Variants in GPR157 observed in about 807,000 individuals in gnomAD.
GPR157 encodes the protein G protein-coupled receptor 157.
Under a neutral mutation model 23.5 loss-of-function variants are expected in GPR157, and 16 were observed. That is an observed-to-expected ratio of 0.68 (90% CI 0.46 to 1.04). GPR157 has a LOEUF of 1.04. Ranked by LOEUF, GPR157 falls within the 50% of genes least tolerant of loss-of-function variation. The probability of loss-of-function intolerance (pLI) is 0.00; values close to 1 mark genes in which losing one functional copy is unlikely to be tolerated. For missense variants in GPR157, 440 were observed against 460.7 expected, an observed-to-expected ratio of 0.96 and a Z score of 0.41; for synonymous variants, 200 against 221.5, an observed-to-expected ratio of 0.90 and a Z score of 0.86.
chr1:9,116,180 T>TAATTATAA (rs1553175044), intron 1 of GPR157, among the ~76,000 whole-genome samples: 1 of 5,618 alleles, frequency 1.8e-4, no homozygotes, highest in Non-Finnish European at 2.6e-4. Context: ...ATTATATATA[T>TAATTATAA]TATATATATA....
chr1:9,113,968 C>CACAT (rs1638574059), intron 1 of GPR157, among the ~76,000 whole-genome samples: 1 of 140,174 alleles, frequency 7.1e-6, no homozygotes, highest in South Asian at 2.5e-4. Context: ...CACACACACA[C>CACAT]ACACACACAC....
At chr1:9,121,765 G>T (rs571061527) in intron 1 of GPR157, among the ~76,000 whole-genome samples, 3 of 152,278 alleles carry the variant, frequency 2.0e-5, no homozygotes, top group Admixed American at 6.5e-5. Flanking sequence ...TGGCAAACAT[G>T]GGGGGTCACA....
In GPR157 at chr1:9,118,439, G is replaced by C. The variant is rs181968109; in HGVS notation, c.384-6950C>G. On this transcript the variant is annotated intron_variant, in intron 1 of 3. Coordinates refer to ENST00000377411, the MANE Select transcript of GPR157 (RefSeq NM_024980.5). The surrounding 1 kb of genome is among the most constrained non-coding windows in gnomAD (Gnocchi z 4.6). The stretch of plus-strand genomic sequence containing the variant: ...GAGCCTGCCTGGACGGAGGAAGCCC[G>C]GGACAGCCACCTCGTGTGTAACTCT... Among the ~76,000 whole-genome samples, 7 of 152,140 alleles carry C rather than the reference G, an allele frequency of 4.6e-5. No homozygotes were observed. In the East Asian group the frequency reaches 1.2e-3, roughly 25 times the overall value.
intron 1 of GPR157, among the ~76,000 whole-genome samples, chr1:9,119,322 A>T (rs1018089377): frequency 1.3e-5 from 2 of 152,116 alleles, no homozygotes; most frequent in Non-Finnish European, 2.9e-5. Flanking sequence ...CGTGAACCAC[A>T]ATGACCGGCC....
chr1:9,117,357 C>T (rs191113067), intron 1 of GPR157, among the ~76,000 whole-genome samples: 1 of 152,298 alleles, frequency 6.6e-6, no homozygotes, highest in Admixed American at 6.5e-5. Context: ...ATAAACAGGG[C>T]AGTTCTCCAG....
chr1:9,106,192 C>T (rs1638318035), intron 2 of GPR157, among the ~76,000 whole-genome samples: 1 of 152,180 alleles, frequency 6.6e-6, no homozygotes, highest in African/African-American at 2.4e-5. Context: ...TGAGCTGCCA[C>T]CGTGCCGACC....
In GPR157 at chr1:9,105,438, G is replaced by C; in HGVS notation, c.792+48C>G. The C allele has an allele frequency of 6.8e-7, 1 of 1,473,832 alleles. No individual in the cohort carries two copies. Among genetic ancestry groups the C allele is most frequent in the Non-Finnish European group, 9.1e-7 (1 of 1,095,024 alleles). 91.3% of individuals were successfully genotyped at this position (1,473,832 alleles called of 1,614,324 possible). A position where few individuals can be genotyped will look rare whatever the true frequency, so the allele number is the denominator to read the frequency against. ...GTGCTGCGGGAAGGAATCAGGCTGTGCCTCCTCTGGGGGCAGGGACGACAA... is the reference window on the plus strand; with the variant it reads ...GTGCTGCGGGAAGGAATCAGGCTGTCCCTCCTCTGGGGGCAGGGACGACAA... On this transcript the variant is annotated intron_variant, in intron 3 of 3. Transcript: ENST00000377411. This position sits in a 1 kb window ranked among gnomAD's most constrained non-coding sequence, Gnocchi z 4.8.
At chr1:9,110,940 G>A (rs1348393650) in intron 2 of GPR157, among the ~76,000 whole-genome samples, 2 of 152,198 alleles carry the variant, frequency 1.3e-5, no homozygotes, top group African/African-American at 4.8e-5. Flanking sequence ...TCCACCAGGG[G>A]GCAGGAGAGG....
At position 9,105,657 on chromosome 1, in the gene GPR157, C is replaced by A. The variant is rs372833072; in HGVS notation, c.621G>T (p.Arg207=). Residue 207 remains arginine, a synonymous_variant, in exon 3 of 4, where the codon CGG becomes CGT. Coordinates refer to ENST00000377411, the MANE Select transcript of GPR157 (RefSeq NM_024980.5). The surrounding 1 kb of genome is among the most constrained non-coding windows in gnomAD (Gnocchi z 4.8). ...GGCGGTGCTCCTGGGAGAGGATGGG[C>A]CGGTACTCAGAGAGTGCCGTGTGCT... ...NRAHTALSEY[R]PILSQEHRLL... The A allele has an allele frequency of 2.5e-6, 4 of 1,611,538 alleles. No individual in the cohort carries two copies.
In GPR157 at chr1:9,105,458, C is replaced by T. The variant is rs1006378234; in HGVS notation, c.792+28G>A. On this transcript the variant is annotated intron_variant, in intron 3 of 3. Transcript: ENST00000377411. The surrounding 1 kb of genome is among the most constrained non-coding windows in gnomAD (Gnocchi z 4.8). Reference sequence around the variant, plus strand: ...GCTGTGCCTCCTCTGGGGGCAGGGACGACAAGGGCCAGGGAGGGCAGACCT... The same window carrying T: ...GCTGTGCCTCCTCTGGGGGCAGGGATGACAAGGGCCAGGGAGGGCAGACCT... The T allele has an allele frequency of 6.6e-6, 10 of 1,515,380 alleles. No individual in the cohort carries two copies. The highest frequency in any genetic ancestry group is 3.8e-5 in the South Asian group (3 of 79,018). 93.9% of individuals were successfully genotyped at this position (1,515,380 alleles called of 1,614,324 possible). A position where few individuals can be genotyped will look rare whatever the true frequency, so the allele number is the denominator to read the frequency against.
chr1:9,113,103 G>A (rs1638550252), intron 1 of GPR157, among the ~76,000 whole-genome samples: 2 of 152,208 alleles, frequency 1.3e-5, no homozygotes, highest in South Asian at 2.1e-4. Flanking sequence ...ACAGAGCACA[G>A]GGCCAGGCAG....
Position 9,104,107 on chromosome 1 carries a change from T to C in GPR157, c.*312A>G, listed in dbSNP as rs2124504319. On this transcript the variant is annotated 3_prime_UTR_variant, in exon 4 of 4. Coordinates refer to ENST00000377411, the MANE Select transcript of GPR157 (RefSeq NM_024980.5). ...ACAGTGCTGTGTGGTCCTCAGGACA[T>C]CAAGGTCCACTGGGTGGGGGCACTG... is the stretch of plus-strand genomic sequence containing the variant. 1 of 370,870 alleles carries C rather than the reference T, an allele frequency of 2.7e-6. No individual in the cohort carries two copies. The highest frequency in any genetic ancestry group is 5.1e-6 in the Non-Finnish European group (1 of 196,408). 23.0% of individuals were successfully genotyped at this position (370,870 alleles called of 1,614,324 possible). A position where few individuals can be genotyped will look rare whatever the true frequency, so the allele number is the denominator to read the frequency against.
intron 2 of GPR157, among the ~76,000 whole-genome samples, chr1:9,108,772 G>T (rs529166596): frequency 6.7e-6 from 1 of 150,108 alleles, no homozygotes; most frequent in African/African-American, 2.5e-5. Context: ...TGGGACTATA[G>T]ACATGCACCA....
intron 1 of GPR157, among the ~76,000 whole-genome samples, chr1:9,114,326 C>CAAG (rs1638586590): frequency 9.7e-6 from 1 of 103,124 alleles, no homozygotes; most frequent in African/African-American, 3.9e-5. Context: ...GAGACTGTCT[C>CAAG]AAAAAAAAAA....
chr1:9,128,597 T>C lies in GPR157; in HGVS notation c.383+48A>G. 2 of 1,570,388 alleles carry C rather than the reference T, an allele frequency of 1.3e-6. No individual in the cohort carries two copies. The highest frequency in any genetic ancestry group is 1.7e-4 in the Middle Eastern group (1 of 5,984). ...TCTGGGAGGGCAAGACCGGGAGGGG[T>C]CGGCCTGTGTCGGGGGCTCCTGGAA... is the stretch of plus-strand genomic sequence containing the variant. On this transcript the variant is annotated intron_variant, in intron 1 of 3. Coordinates refer to ENST00000377411, the MANE Select transcript of GPR157 (RefSeq NM_024980.5). The surrounding 1 kb of genome is among the most constrained non-coding windows in gnomAD (Gnocchi z 6.3).
At chr1:9,111,125 G>A (rs1638480407) in intron 2 of GPR157, 151 bp downstream of exon 2, 2 of 711,896 alleles carry the variant, frequency 2.8e-6, no homozygotes, top group Non-Finnish European at 5.0e-6. Context: ...GGTGTCTGGT[G>A]CACAGTAAGT....
intron 1 of GPR157, among the ~76,000 whole-genome samples, chr1:9,126,187 A>T (rs1187255975): frequency 6.6e-6 from 1 of 152,106 alleles, no homozygotes; most frequent in Non-Finnish European, 1.5e-5. Context: ...CAAACTCCTG[A>T]CCTCAAGTGA....
At position 9,107,225 on chromosome 1, in the gene GPR157, G is replaced by C. The variant is rs568283401; in HGVS notation, c.598-1545C>G. The stretch of plus-strand genomic sequence containing the variant: ...TCCTCTCCAGAAGGAGAACAAAAAC[G>C]TGAGCTCGAGCCAGACTTGGCTTTC... On this transcript the variant is annotated intron_variant, in intron 2 of 3. Coordinates refer to ENST00000377411, the MANE Select transcript of GPR157 (RefSeq NM_024980.5). Among the ~76,000 whole-genome samples, 287 of 152,274 alleles carry C rather than the reference G, an allele frequency of 1.9e-3. 1 individual carries two copies. The highest frequency in any genetic ancestry group is 6.6e-3 in the African/African-American group (276 of 41,552).
chr1:9,126,974 C>T (rs867597348), intron 1 of GPR157, among the ~76,000 whole-genome samples: 5 of 151,674 alleles, frequency 3.3e-5, no homozygotes, highest in Admixed American at 6.6e-5. Context: ...CAGCCTCGAC[C>T]TCCCAGGCTC....
Sources: allele counts gnomAD v4.1 joint callset (sites outside exome capture counted in the v4.1 genomes callset), GRCh38; gene constraint gnomAD v4.1.1; non-coding constraint Gnocchi (gnomAD v3.1); transcripts MANE v1.5; gene names NCBI Gene and HGNC (gene_info 2026-07-23, HGNC 2026-07-21).